Variants in ENDOV observed in about 807,000 individuals in gnomAD.
ENDOV encodes the protein endonuclease V.
ENDOV carries 37 observed loss-of-function variants against 39.4 expected under a neutral mutation model. The observed-to-expected ratio is 0.94, with a 90% confidence interval of 0.72 to 1.23. ENDOV has a LOEUF of 1.23. Ranked by LOEUF, ENDOV falls within the 50% of genes most tolerant of loss-of-function variation. The probability of loss-of-function intolerance (pLI) is 0.00; values close to 1 mark genes in which losing one functional copy is unlikely to be tolerated. For missense variants in ENDOV, 441 were observed against 375.7 expected (o/e 1.17, Z -1.44); for synonymous variants, 186 against 163.4 (o/e 1.14, Z -1.05).
At chr17:80,418,884 A>C (rs759412141) in intron 2 of ENDOV, 6 of 152,180 alleles carry the variant, frequency 3.9e-5, no homozygotes, top group Non-Finnish European at 7.3e-5. Flanking sequence ...GTTAGGAAAA[A>C]AAACAGGCCG....
chr17:80,423,698 A>G, intron 5 of ENDOV, 66 bp downstream of exon 5: 5 of 1,455,600 alleles, frequency 3.4e-6, no homozygotes, highest in Non-Finnish European at 4.7e-6. Flanking sequence ...GGCCCTGGGC[A>G]TGAGGACACT....
chr17:80,419,819 C>G (rs543916721), intron 2 of ENDOV: 1 of 628,574 alleles, frequency 1.6e-6, no homozygotes, highest in South Asian at 1.8e-5. Context: ...TACCCAAGTC[C>G]CTAGACCTAA....
At chr17:80,419,432 G>A (rs1047760786) in intron 2 of ENDOV, 27 of 618,698 alleles carry the variant, frequency 4.4e-5, no homozygotes, top group South Asian at 3.0e-4. Context: ...GGCCTCTGGC[G>A]GAGCCCATTC....
rs150165579 is a variant in ENDOV, at chr17:80,423,662, C to T, written c.516+30C>T. ...GGAGGGGCCTGCTGCAGGCCATGCC[C>T]GGCAGCTCAGTGGCGGGGCTGTGGT... is the stretch of plus-strand genomic sequence containing the variant. On this transcript the variant is annotated intron_variant, in intron 5 of 9. Coordinates refer to ENST00000518137, the MANE Select transcript of ENDOV (RefSeq NM_173627.5). 1,096 of 1,544,076 alleles carry T rather than the reference C, an allele frequency of 7.1e-4. 8 individuals are homozygous for T. In the East Asian group the frequency reaches 0.023, roughly 32 times the overall value.
chr17:80,424,143 C>A, intron 5 of ENDOV: 1 of 399,190 alleles, frequency 2.5e-6, no homozygotes, highest in Non-Finnish European at 4.4e-6. Context: ...GGGAGTGAGA[C>A]ACTCACAATG....
intron 5 of ENDOV, 62 bp from the exon 6 acceptor site, chr17:80,424,970 G>A: frequency 1.4e-6 from 2 of 1,410,404 alleles, no homozygotes; most frequent in Non-Finnish European, 2.0e-6. Context: ...ATAGAGACTT[G>A]CCTTCAGCCC....
intron 9 of ENDOV, among the ~76,000 whole-genome samples, chr17:80,432,302 C>T (rs1416782107): frequency 1.3e-5 from 2 of 152,102 alleles, no homozygotes; most frequent in African/African-American, 4.8e-5. Flanking sequence ...TGGCTGGGCC[C>T]AGGAATGAGG....
chr17:80,428,183 C>T (rs1214137389), intron 7 of ENDOV, among the ~76,000 whole-genome samples: 2 of 152,214 alleles, frequency 1.3e-5, no homozygotes, highest in East Asian at 3.9e-4. Context: ...ACCAGCTGGG[C>T]TCAGAGCCCC....
chr17:80,430,465 C>T (rs1568253355), intron 9 of ENDOV: 1 of 1,108,740 alleles, frequency 9.0e-7, no homozygotes, highest in Non-Finnish European at 1.2e-6. Flanking sequence ...AGGTCCTCAG[C>T]CCCAGCCACA....
At chr17:80,430,470 G>A in intron 9 of ENDOV, 3 of 1,060,838 alleles carry the variant, frequency 2.8e-6, no homozygotes, top group South Asian at 1.4e-5. Context: ...CTCAGCCCCA[G>A]CCACACTGAA....
chr17:80,431,240 AG>A (rs1022611786), intron 9 of ENDOV, among the ~76,000 whole-genome samples: 99 of 152,266 alleles, frequency 6.5e-4, no homozygotes, highest in African/African-American at 2.3e-3. Flanking sequence ...CCTGGGCCTG[AG>A]GGAACAGGTA....
At chr17:80,415,379 C>T (rs1319397055) in intron 1 of ENDOV, 129 bp downstream of exon 1, 5 of 1,207,268 alleles carry the variant, frequency 4.1e-6, no homozygotes, top group Non-Finnish European at 5.8e-6. Context: ...AAGCAAAGCC[C>T]AGTTTCCGGC....
chr17:80,427,948 C>G, intron 7 of ENDOV: 1 of 1,118,330 alleles, frequency 8.9e-7, no homozygotes, highest in Non-Finnish European at 1.2e-6. Context: ...ATGAGTCGTG[C>G]AGCCCTGAAG....
intron 9 of ENDOV, among the ~76,000 whole-genome samples, chr17:80,432,235 G>A (rs1272724520): frequency 1.3e-5 from 2 of 152,120 alleles, no homozygotes; most frequent in Non-Finnish European, 2.9e-5. Flanking sequence ...CTTGCCCAGC[G>A]GTGGACACTC....
chr17:80,429,989 A>G, intron 9 of ENDOV, 158 bp downstream of exon 9: 1 of 1,541,166 alleles, frequency 6.5e-7, no homozygotes, highest in African/African-American at 1.4e-5. Flanking sequence ...CAGGACACTG[A>G]CCACCCCTGG....
At chr17:80,424,950 G>A (rs12945555) in intron 5 of ENDOV, 82 bp from the exon 6 acceptor site, 21,252 of 1,221,880 alleles carry the variant, frequency 0.017, 263 homozygotes, top group Middle Eastern at 0.034. Context: ...GCGACACTCC[G>A]TCTCAAAAAA....
At chr17:80,415,976 G>A (rs2081083761) in intron 2 of ENDOV, 155 bp downstream of exon 2, 3 of 911,178 alleles carry the variant, frequency 3.3e-6, no homozygotes, top group Non-Finnish European at 4.8e-6. Flanking sequence ...GGTGGCTCAC[G>A]CCTGCAATCC....
chr17:80,423,047 A>C (rs911541597), intron 4 of ENDOV, among the ~76,000 whole-genome samples: 1 of 152,356 alleles, frequency 6.6e-6, no homozygotes. Flanking sequence ...CGGGCGGCGC[A>C]GCAGCACCCA....
chr17:80,423,832 C>A (rs931741974), intron 5 of ENDOV, 200 bp downstream of exon 5: 1 of 572,864 alleles, frequency 1.7e-6, no homozygotes, highest in Non-Finnish European at 3.1e-6. Context: ...CTCTGAGCTC[C>A]TCTCCTGCCT....
Sources: gnomAD v4.1 joint callset for allele counts (sites outside exome capture counted in the v4.1 genomes callset) on GRCh38, gnomAD v4.1.1 for gene constraint, MANE v1.5 for transcripts, NCBI Gene and HGNC (gene_info 2026-07-23, HGNC 2026-07-21) for gene names.